Variants in GLI2 observed in about 807,000 individuals in gnomAD.
GLI2 encodes the protein transcription activator GLI2.
In GLI2, 22 loss-of-function variants were observed where a neutral mutation model predicts 78.9. The observed-to-expected ratio is 0.28, with a 90% CI of 0.20 to 0.40. The LOEUF (loss-of-function observed/expected upper bound fraction) is 0.40, where lower values mean the gene tolerates loss of function less well. GLI2 is among the 10% of genes least tolerant of loss of function. The pLI, the probability that GLI2 is intolerant of heterozygous loss-of-function variation, is 1.00. For synonymous variants in GLI2, 974 were observed against 963.7 expected (o/e 1.01, Z -0.20); for missense variants, 2,097 against 2,213.2 (o/e 0.95, Z 1.05).
chr2:120,976,313 T>TA lies in GLI2; in HGVS notation c.1317+1205dup, dbSNP rs1682456915. 1.3e-5 allele frequency among the ~76,000 whole-genome samples: 2 copies of TA among 152,216 alleles called. 1 individual carries two copies. The highest frequency in any genetic ancestry group is 4.1e-4 in the South Asian group (2 of 4,830). ...GCCGACTCCCTCTGCTTCTTCCACTTATGCAACTTGCTCACAAATACCGTA... is the reference window on the plus strand; with the variant it reads ...GCCGACTCCCTCTGCTTCTTCCACTTAATGCAACTTGCTCACAAATACCGTA... On this transcript the variant is annotated intron_variant, in intron 9 of 13. Coordinates refer to ENST00000361492, the MANE Select transcript of GLI2 (RefSeq NM_001374353.1).
At chr2:120,861,266 G>C (rs1455874363) in intron 2 of GLI2, among the ~76,000 whole-genome samples, 1 of 152,198 alleles carries the variant, frequency 6.6e-6, no homozygotes, top group African/African-American at 2.4e-5. Flanking sequence ...CCAGACTCCA[G>C]CCCTGCCTGT....
chr2:120,949,699 A>G (rs1573656631), intron 3 of GLI2, among the ~76,000 whole-genome samples: 1 of 152,232 alleles, frequency 6.6e-6, no homozygotes. Flanking sequence ...CGTGGGATCT[A>G]CATGAGCAGG....
At chr2:120,917,753 A>C (rs984704578) in intron 2 of GLI2, among the ~76,000 whole-genome samples, 1 of 152,242 alleles carries the variant, frequency 6.6e-6, no homozygotes, top group South Asian at 2.1e-4. Flanking sequence ...GCCATGGGAT[A>C]TGTGGCTGAT....
rs577382355 is a variant in GLI2 at position 120,953,243 on chromosome 2, G to A, written c.457+1798G>A. 5.3e-5 allele frequency among the ~76,000 whole-genome samples: 8 copies of A among 152,264 alleles called. No individual in the cohort carries two copies. In the South Asian group the frequency reaches 8.3e-4, roughly 16 times the overall value. Reference sequence around the variant, plus strand: ...TGAGAAGGCAGACACATTCATGCCCGCCCAGAGACACACACAGAGTCACAG... The same window carrying A: ...TGAGAAGGCAGACACATTCATGCCCACCCAGAGACACACACAGAGTCACAG... On this transcript the variant is annotated intron_variant, in intron 4 of 13. Transcript: ENST00000361492.
chr2:120,962,552 C>T (rs1407136971), intron 5 of GLI2, among the ~76,000 whole-genome samples: 7 of 152,168 alleles, frequency 4.6e-5, no homozygotes, highest in Non-Finnish European at 8.8e-5. Context: ...GTGGTGTTGG[C>T]GTCCGCCCAG....
At chr2:120,848,866 C>T (rs1010654579) in intron 2 of GLI2, among the ~76,000 whole-genome samples, 1 of 152,182 alleles carries the variant, frequency 6.6e-6, no homozygotes, top group African/African-American at 2.4e-5. Flanking sequence ...CGGAGCGGCA[C>T]TCCTGCCCCT....
chr2:120,838,587 T>C (rs1422357818), intron 2 of GLI2, among the ~76,000 whole-genome samples: 1 of 152,244 alleles, frequency 6.6e-6, no homozygotes, highest in African/African-American at 2.4e-5. Context: ...CACATTGTCT[T>C]AGTCCACTTT....
At chr2:120,809,292 C>T (rs937795402) in intron 2 of GLI2, among the ~76,000 whole-genome samples, 2 of 152,126 alleles carry the variant, frequency 1.3e-5, no homozygotes, top group Admixed American at 1.3e-4. Flanking sequence ...GGATTCCATT[C>T]CCATGAATTG....
In GLI2 at chr2:120,735,881, A is replaced by G. The variant is rs994173465; in HGVS notation, c.-435A>G. ...CAGTCCGGCGGCGCTGATGGATTGC[A>G]GAAGTGCCGGCGCTTGCCAGCCGAG... On this transcript the variant is annotated 5_prime_UTR_variant, in exon 1 of 14. Transcript: ENST00000361492. Among the ~76,000 whole-genome samples the G allele has an allele frequency of 6.6e-6, 1 of 151,806 alleles. No homozygotes were observed. Among genetic ancestry groups the G allele is most frequent in the African/African-American group, 2.4e-5 (1 of 41,332 alleles).
intron 2 of GLI2, among the ~76,000 whole-genome samples, chr2:120,840,688 C>T (rs1331374048): frequency 2.6e-5 from 4 of 152,156 alleles, no homozygotes; most frequent in Admixed American, 1.3e-4. Flanking sequence ...CTCCTCTGCC[C>T]GTTTCCCAGC....
chr2:120,843,240 C>T (rs928066629), intron 2 of GLI2, among the ~76,000 whole-genome samples: 1 of 152,194 alleles, frequency 6.6e-6, no homozygotes, highest in Non-Finnish European at 1.5e-5. Flanking sequence ...TCCTCCCAAC[C>T]CTGTTGTTAC....
Position 120,852,887 on chromosome 2 carries a change from T to A in GLI2, c.148+55419T>A, listed in dbSNP as rs144707052. 3.3e-3 allele frequency among the ~76,000 whole-genome samples: 508 copies of A among 152,154 alleles called. 3 individuals carry two copies. Among genetic ancestry groups the A allele is most frequent in the African/African-American group, 0.012 (480 of 41,502 alleles). Reference sequence around the variant, plus strand: ...GATGGTTCTGGGTGTGTGAAGAGGGTCAGGTGCTGTCCACCCACTCTGGGG... The same window carrying A: ...GATGGTTCTGGGTGTGTGAAGAGGGACAGGTGCTGTCCACCCACTCTGGGG... On this transcript the variant is annotated intron_variant, in intron 2 of 13. Transcript: ENST00000361492.
intron 1 of GLI2, among the ~76,000 whole-genome samples, chr2:120,793,319 C>T (rs1054583237): frequency 2.0e-5 from 3 of 152,246 alleles, no homozygotes; most frequent in African/African-American, 4.8e-5. Flanking sequence ...ATTGACTCTT[C>T]TCCTTCCCTG....
chr2:120,813,426 G>A (rs1040009593), intron 2 of GLI2, among the ~76,000 whole-genome samples: 1 of 152,162 alleles, frequency 6.6e-6, no homozygotes, highest in Non-Finnish European at 1.5e-5. Flanking sequence ...TCCCAGAATG[G>A]CCCAGCTGCG....
chr2:120,903,656 A>G (rs1678372307), intron 2 of GLI2, among the ~76,000 whole-genome samples: 1 of 152,196 alleles, frequency 6.6e-6, no homozygotes, highest in Non-Finnish European at 1.5e-5. Context: ...CTTCATTTCC[A>G]GAGCGGGTAC....
chr2:120,861,521 A>G (rs1456804474), intron 2 of GLI2, among the ~76,000 whole-genome samples: 1 of 152,136 alleles, frequency 6.6e-6, no homozygotes, highest in Middle Eastern at 3.2e-3. Flanking sequence ...TGCTCACTCA[A>G]CTTGCTTTTT....
At chr2:120,898,347 A>G (rs1678083718) in intron 2 of GLI2, among the ~76,000 whole-genome samples, 1 of 152,244 alleles carries the variant, frequency 6.6e-6, no homozygotes. Flanking sequence ...GTGAAAATAA[A>G]TATCTAAATA....
chr2:120,805,495 A>G (rs1036903445), intron 2 of GLI2, among the ~76,000 whole-genome samples: 6 of 152,256 alleles, frequency 3.9e-5, no homozygotes, highest in Non-Finnish European at 8.8e-5. Context: ...CAGCTGATGC[A>G]GAGTTGGGTG....
intron 3 of GLI2, among the ~76,000 whole-genome samples, chr2:120,928,227 A>G (rs1489622322): frequency 3.9e-5 from 6 of 152,010 alleles, no homozygotes; most frequent in Non-Finnish European, 7.4e-5. Flanking sequence ...CTCTCGACCC[A>G]GCATCTTCAT....
Sources: allele counts gnomAD v4.1 joint callset (sites outside exome capture counted in the v4.1 genomes callset), GRCh38; gene constraint gnomAD v4.1.1; transcripts MANE v1.5; gene names NCBI Gene and HGNC (gene_info 2026-07-23, HGNC 2026-07-21).